The following TNFRSF11A variants were observed in gnomAD, a reference collection of about 807,000 sequenced individuals.
TNFRSF11A encodes TNF receptor superfamily member 11a, also known as tumor necrosis factor receptor superfamily member 11A.
Under a neutral mutation model 55.7 loss-of-function variants are expected in TNFRSF11A, and 32 were observed. That is an observed-to-expected ratio of 0.57 (90% confidence interval 0.43 to 0.77). The LOEUF (loss-of-function observed/expected upper bound fraction) is 0.77. Among genes scored for constraint, TNFRSF11A ranks in the 30% least tolerant of loss-of-function variants. TNFRSF11A has a pLI of 0.00. For synonymous variants in TNFRSF11A, 311 were observed against 331.0 expected (o/e 0.94, Z 0.65); for missense variants, 753 against 809.8 (o/e 0.93, Z 0.85).
At chr18:62,350,918 G>A (rs2046458677) in intron 3 of TNFRSF11A, among the ~76,000 whole-genome samples, 1 of 151,716 alleles carries the variant, frequency 6.6e-6, no homozygotes, top group Non-Finnish European at 1.5e-5. Context: ...GTCCTGTGGA[G>A]ATTGCACAGG....
intron 4 of TNFRSF11A, among the ~76,000 whole-genome samples, chr18:62,356,033 T>A (rs927311450): frequency 1.3e-5 from 2 of 152,240 alleles, no homozygotes; most frequent in Non-Finnish European, 2.9e-5. Flanking sequence ...GTCCTTCAAT[T>A]TTGTTGAAAG....
rs117497891 is a variant in TNFRSF11A at position 62,338,038 on chromosome 18, G to A, written c.76-10130G>A. Among the ~76,000 whole-genome samples the A allele has an allele frequency of 8.9e-3, 1,349 of 152,218 alleles. 53 individuals are homozygous for A. In the East Asian group the frequency reaches 0.11, roughly 12 times the overall value. ...ATTTCTTCAAGGAAGATACACAGGT[G>A]GCCAATAAGCACAAGAAAAGATGCT... On this transcript the variant is annotated intron_variant, in intron 1 of 9. Coordinates refer to ENST00000586569, the MANE Select transcript of TNFRSF11A (RefSeq NM_003839.4).
chr18:62,339,765 A>G (rs1377770934), intron 1 of TNFRSF11A, among the ~76,000 whole-genome samples: 1 of 152,060 alleles, frequency 6.6e-6, no homozygotes, highest in Admixed American at 6.5e-5. Flanking sequence ...GAGAAAAATC[A>G]TTTTTCGAGA....
intron 3 of TNFRSF11A, 148 bp from the exon 4 acceptor site, chr18:62,354,243 C>T (rs1909062551): frequency 1.0e-6 from 1 of 990,766 alleles, no homozygotes; most frequent in Non-Finnish European, 1.4e-6. Context: ...GAACTTGGGA[C>T]TTCTCGAGCA....
At chr18:62,350,000 G>A (rs1244540844) in intron 3 of TNFRSF11A, 63 bp downstream of exon 3, 20 of 1,603,998 alleles carry the variant, frequency 1.2e-5, no homozygotes, top group Non-Finnish European at 1.5e-5. Context: ...TTTTTCTATA[G>A]AAACATTTTT....
At chr18:62,372,837 G>C (rs560564189) in intron 9 of TNFRSF11A, 127 of 152,304 alleles carry the variant, frequency 8.3e-4, no homozygotes, top group African/African-American at 3.0e-3. Context: ...CAGAGGACAT[G>C]ATTTCCTTCT....
chr18:62,378,545 G>T (rs76388775), intron 9 of TNFRSF11A, among the ~76,000 whole-genome samples: 1 of 152,088 alleles, frequency 6.6e-6, no homozygotes, highest in East Asian at 1.9e-4. Flanking sequence ...TGGGAGTTCC[G>T]TGAGCACGGA....
chr18:62,362,925 C>A (rs1309850403), intron 7 of TNFRSF11A, among the ~76,000 whole-genome samples: 1 of 152,140 alleles, frequency 6.6e-6, no homozygotes, highest in African/African-American at 2.4e-5. Flanking sequence ...CTCACTGCAG[C>A]CTCCGCCTCC....
chr18:62,374,948 A>G (rs1910786336), intron 9 of TNFRSF11A, among the ~76,000 whole-genome samples: 1 of 151,826 alleles, frequency 6.6e-6, no homozygotes. Flanking sequence ...TCTATTACCC[A>G]GGCTGGAGAG....
chr18:62,390,414 G>A lies in TNFRSF11A; in HGVS notation c.*5380G>A, dbSNP rs1056305531. On this transcript the variant is annotated 3_prime_UTR_variant, in exon 10 of 10. Transcript: ENST00000586569. ...GAATAGCCAGATGTGAAGGTTGAAA[G>A]GCTATGTGGGCTAGTTTGTCATGGT... 1.3e-5 allele frequency: 2 copies of A among 152,364 alleles called. No homozygotes were observed. The highest frequency in any genetic ancestry group is 4.8e-5 in the African/African-American group (2 of 41,586). 9.4% of individuals were successfully genotyped at this position (152,364 alleles called of 1,614,324 possible).
rs1911911942 is a variant in TNFRSF11A at position 62,389,449 on chromosome 18, C to G, written c.*4415C>G. On this transcript the variant is annotated 3_prime_UTR_variant, in exon 10 of 10. Coordinates refer to ENST00000586569, the MANE Select transcript of TNFRSF11A (RefSeq NM_003839.4). ...CCTGGACCAACACCCCCATGGCTGC[C>G]CCACTGCGGAACTGCCTACTGCGGC... The G allele has an allele frequency of 6.6e-6, 1 of 152,366 alleles. No individual in the cohort carries two copies. The highest frequency in any genetic ancestry group is 2.1e-4 in the South Asian group (1 of 4,834). The allele number at this position is 152,366 out of a possible 1,614,324, so 9.4% of individuals were successfully genotyped here.
chr18:62,380,775 C>G (rs1911224311), intron 9 of TNFRSF11A, among the ~76,000 whole-genome samples: 2 of 151,254 alleles, frequency 1.3e-5, no homozygotes, highest in Admixed American at 1.3e-4. Flanking sequence ...TGCCCTTCCA[C>G]AAGCCTCACG....
intron 1 of TNFRSF11A, among the ~76,000 whole-genome samples, chr18:62,339,377 C>T (rs947032302): frequency 1.3e-5 from 2 of 152,206 alleles, no homozygotes; most frequent in Non-Finnish European, 2.9e-5. Context: ...GTAAGTCCTT[C>T]CCTATCTCTG....
chr18:62,333,806 A>T (rs2046190694), intron 1 of TNFRSF11A, among the ~76,000 whole-genome samples: 3 of 152,008 alleles, frequency 2.0e-5, no homozygotes, highest in Admixed American at 1.3e-4. Flanking sequence ...ATGCGTGCCC[A>T]GTCTGCATTT....
intron 4 of TNFRSF11A, 92 bp from the exon 5 acceptor site, chr18:62,358,143 GCCTCACCTCCAGT>G: frequency 9.5e-7 from 1 of 1,053,360 alleles, no homozygotes; most frequent in Non-Finnish European, 1.4e-6. Flanking sequence ...GAGGGGCAGC[GCCTCACCTCCAGT>G]CCTCTGGAGT....
chr18:62,360,692 C>T (rs1259231511), intron 6 of TNFRSF11A, among the ~76,000 whole-genome samples: 2 of 152,126 alleles, frequency 1.3e-5, no homozygotes, highest in Admixed American at 6.5e-5. Flanking sequence ...GGTGATCTGC[C>T]CGCCTTGGTC....
At chr18:62,332,472 G>A (rs1408388197) in intron 1 of TNFRSF11A, among the ~76,000 whole-genome samples, 1 of 152,130 alleles carries the variant, frequency 6.6e-6, no homozygotes, top group Non-Finnish European at 1.5e-5. Context: ...GCTTAGTCGA[G>A]ATTATTCACT....
Position 62,383,582 on chromosome 18 carries a change from TG to T in TNFRSF11A, c.1568-1167del, listed in dbSNP as rs1382905747. On this transcript the variant is annotated intron_variant, in intron 9 of 9. Transcript: ENST00000586569. The surrounding 1 kb of genome is among the most constrained non-coding windows in gnomAD (Gnocchi z 4.2). ...GTGTTGGGGTGTTTCTAGATCTGCTTGGTTTGTGGCACTTTCCTAGACCAAA... is the reference window on the plus strand; with the variant it reads ...GTGTTGGGGTGTTTCTAGATCTGCTTGTTTGTGGCACTTTCCTAGACCAAA... 6.6e-6 allele frequency among the ~76,000 whole-genome samples: 1 copy of T among 152,110 alleles called. No homozygotes were observed.
rs1441194772 is a variant in TNFRSF11A at position 62,366,592 on chromosome 18, C to G, written c.731-116C>G. 9 of 1,093,764 alleles carry G rather than the reference C, an allele frequency of 8.2e-6. No homozygotes were observed. In the Admixed American group the frequency reaches 1.4e-4, roughly 17 times the overall value. The allele number at this position is 1,093,764 out of a possible 1,614,324, so 67.8% of individuals were successfully genotyped here. A position where few individuals can be genotyped will look rare whatever the true frequency, so the allele number is the denominator to read the frequency against. ...TTCACTATAGTAACCATTTTACTAT[C>G]TATATTTGTCCTATAACATGTTGTA... On this transcript the variant is annotated intron_variant, in intron 7 of 9. Coordinates refer to ENST00000586569, the MANE Select transcript of TNFRSF11A (RefSeq NM_003839.4).
Sources: allele counts gnomAD v4.1 joint callset (sites outside exome capture counted in the v4.1 genomes callset), GRCh38; gene constraint gnomAD v4.1.1; non-coding constraint Gnocchi (gnomAD v3.1); transcripts MANE v1.5; gene names NCBI Gene and HGNC (gene_info 2026-07-23, HGNC 2026-07-21).